PCDH9: variants seen among roughly 807,000 people sequenced by gnomAD.
PCDH9 encodes the protein protocadherin-9.
A neutral mutation model predicts 70.6 loss-of-function variants in PCDH9; 24 were observed. That is an observed-to-expected ratio of 0.34 (90% confidence interval 0.25 to 0.48). The LOEUF is 0.48. Among genes scored for constraint, PCDH9 ranks in the 20% least tolerant of loss-of-function variants. The pLI is 0.99. For synonymous variants in PCDH9, 562 were observed against 558.5 expected (o/e 1.01, Z -0.09); for missense variants, 1,281 against 1,503.6 (o/e 0.85, Z 2.45).
intron 4 of PCDH9, among the ~76,000 whole-genome samples, chr13:66,591,292 G>T (rs529846667): frequency 6.6e-6 from 1 of 151,598 alleles, no homozygotes; most frequent in South Asian, 2.1e-4. Flanking sequence ...TTATGCAGCT[G>T]TTTTCATGCC....
chr13:66,323,944 T>C (rs1191253544), intron 4 of PCDH9, among the ~76,000 whole-genome samples: 4 of 152,100 alleles, frequency 2.6e-5, no homozygotes, highest in African/African-American at 9.7e-5. Context: ...GTCTCTCCTC[T>C]CTGTCTAACT....
chr13:66,920,789 C>T (rs1233859247), intron 2 of PCDH9, among the ~76,000 whole-genome samples: 2 of 151,078 alleles, frequency 1.3e-5, no homozygotes, highest in East Asian at 3.9e-4. Flanking sequence ...CTATAATTTT[C>T]AGAGAAAAAG....
intron 2 of PCDH9, among the ~76,000 whole-genome samples, chr13:67,164,829 A>G (rs1055161101): frequency 2.6e-5 from 4 of 152,114 alleles, no homozygotes; most frequent in African/African-American, 7.2e-5. Context: ...CCATCTTCAC[A>G]TACAGGAACT....
In PCDH9 at chr13:66,933,191, C is replaced by G. The variant is rs559825511; in HGVS notation, c.3037-29586G>C. On this transcript the variant is annotated intron_variant, in intron 2 of 4. Coordinates refer to ENST00000377865, the MANE Select transcript of PCDH9 (RefSeq NM_203487.3). ...TGTGATTTCTTAGTGTTATTTGAGT[C>G]TTTGTCAGAAAGCAAATGCCTTATT... 1.7e-3 allele frequency among the ~76,000 whole-genome samples: 262 copies of G among 152,058 alleles called. 2 individuals are homozygous for G. Among genetic ancestry groups the G allele is most frequent in the South Asian group, 6.4e-3 (31 of 4,826 alleles).
At chr13:66,768,198 A>G (rs993626857) in intron 3 of PCDH9, among the ~76,000 whole-genome samples, 1 of 152,218 alleles carries the variant, frequency 6.6e-6, no homozygotes. Context: ...ATAGCTGTCC[A>G]TTAAATGTGT....
At chr13:67,024,523 A>C (rs763614968) in intron 2 of PCDH9, among the ~76,000 whole-genome samples, 68 of 152,188 alleles carry the variant, frequency 4.5e-4, no homozygotes, top group Non-Finnish European at 6.2e-4. Context: ...TTTTACTATA[A>C]TTTATGCTGT....
At chr13:67,163,415 T>C (rs1237311309) in intron 2 of PCDH9, among the ~76,000 whole-genome samples, 1 of 152,210 alleles carries the variant, frequency 6.6e-6, no homozygotes, top group Non-Finnish European at 1.5e-5. Flanking sequence ...GTTATTAAAA[T>C]TGTCAAAAAT....
chr13:67,196,453 C>T (rs2089067860), intron 2 of PCDH9, among the ~76,000 whole-genome samples: 1 of 151,938 alleles, frequency 6.6e-6, no homozygotes, highest in Non-Finnish European at 1.5e-5. Flanking sequence ...CAAATTCTGA[C>T]AGAAAATACA....
At chr13:66,678,141 A>T (rs1419965621) in intron 3 of PCDH9, among the ~76,000 whole-genome samples, 1 of 152,136 alleles carries the variant, frequency 6.6e-6, no homozygotes. Context: ...TTGTTACGTT[A>T]CAGTTCTCAT....
At chr13:66,513,137 T>TTA (rs1276987338) in intron 4 of PCDH9, among the ~76,000 whole-genome samples, 2 of 151,646 alleles carry the variant, frequency 1.3e-5, no homozygotes, top group Admixed American at 6.6e-5. Context: ...TCTTATATTC[T>TTA]TATATATATT....
chr13:66,803,153 G>A (rs2080353224), intron 3 of PCDH9, among the ~76,000 whole-genome samples: 1 of 152,100 alleles, frequency 6.6e-6, no homozygotes, highest in Non-Finnish European at 1.5e-5. Flanking sequence ...TCTAGAGGGG[G>A]CATCCTGTCC....
rs1452625396 is a variant in PCDH9 at position 67,058,693 on chromosome 13, C to A, written c.3037-155088G>T. On this transcript the variant is annotated intron_variant, in intron 2 of 4. Transcript: ENST00000377865. ...GTCAAATAGAAACACTGTGTAACTG[C>A]CTCACATCTGACTCTCAAACAGGTA... Among the ~76,000 whole-genome samples, 4 of 152,102 alleles carry A rather than the reference C, an allele frequency of 2.6e-5. No individual in the cohort carries two copies. In the South Asian group the frequency reaches 8.3e-4, roughly 31 times the overall value.
intron 3 of PCDH9, among the ~76,000 whole-genome samples, chr13:66,642,066 A>G (rs571674350): frequency 1.3e-5 from 2 of 152,216 alleles, no homozygotes; most frequent in African/African-American, 4.8e-5. Context: ...ATATAGATAA[A>G]ATGTATATAT....
intron 4 of PCDH9, among the ~76,000 whole-genome samples, chr13:66,425,256 C>T (rs1265809489): frequency 6.6e-6 from 1 of 151,632 alleles, no homozygotes; most frequent in Non-Finnish European, 1.5e-5. Flanking sequence ...GTAAAGACTG[C>T]AAAGCTTTGA....
At chr13:66,948,477 G>A (rs1184767126) in intron 2 of PCDH9, among the ~76,000 whole-genome samples, 1 of 151,746 alleles carries the variant, frequency 6.6e-6, no homozygotes, top group Non-Finnish European at 1.5e-5. Context: ...TTGTATTTAG[G>A]ATCCAGATTT....
intron 4 of PCDH9, among the ~76,000 whole-genome samples, chr13:66,604,629 A>G (rs2077200937): frequency 6.6e-6 from 1 of 152,076 alleles, no homozygotes; most frequent in African/African-American, 2.4e-5. Flanking sequence ...GATTACCAAA[A>G]CTGTTAACTC....
At chr13:67,056,112 T>C (rs986362429) in intron 2 of PCDH9, among the ~76,000 whole-genome samples, 17 of 152,216 alleles carry the variant, frequency 1.1e-4, no homozygotes, top group Non-Finnish European at 1.5e-5. Context: ...TGAAGTTGCA[T>C]ATATTAAGCT....
At chr13:66,844,993 G>A (rs1226979217) in intron 3 of PCDH9, among the ~76,000 whole-genome samples, 3 of 152,078 alleles carry the variant, frequency 2.0e-5, no homozygotes. Context: ...ATGAGTCTGG[G>A]TTTTTTACGG....
At chr13:67,172,697 G>A (rs1223849544) in intron 2 of PCDH9, among the ~76,000 whole-genome samples, 1 of 151,910 alleles carries the variant, frequency 6.6e-6, no homozygotes, top group Admixed American at 6.6e-5. Flanking sequence ...GACCAAAAAG[G>A]GGAAACCCCA....
Sources: gnomAD v4.1 joint callset for allele counts (sites outside exome capture counted in the v4.1 genomes callset) on GRCh38, gnomAD v4.1.1 for gene constraint, MANE v1.5 for transcripts, NCBI Gene and HGNC (gene_info 2026-07-23, HGNC 2026-07-21) for gene names.